The following TMIGD3 variants were observed in gnomAD, a reference collection of about 807,000 sequenced individuals.
TMIGD3 encodes transmembrane and immunoglobulin domain containing 3, also known as AD026 protein (AD026).
TMIGD3 carries 21 observed loss-of-function variants against 28.1 expected under a neutral mutation model. The ratio of observed to expected loss-of-function variants is 0.75; its 90% CI spans 0.53 to 1.08. The LOEUF (loss-of-function observed/expected upper bound fraction) is 1.08, where lower values mean the gene tolerates loss of function less well. Ranked by LOEUF, TMIGD3 falls within the 50% of genes least tolerant of loss-of-function variation. TMIGD3 has a pLI of 0.00. For synonymous variants in TMIGD3, 151 were observed against 162.1 expected (o/e 0.93, Z 0.52); for missense variants, 416 against 435.6 (o/e 0.96, Z 0.40).
chr1:111,506,220 C>G (rs1655484781), upstream of TMIGD3, among the ~76,000 whole-genome samples: 1 of 152,220 alleles, frequency 6.6e-6, no homozygotes, highest in South Asian at 2.1e-4. Context: ...TTCTGCATTT[C>G]TCGCCCCTAC....
rs750319253 is a variant in TMIGD3 at position 111,483,774 on chromosome 1, A to G, written c.974-17T>C. ...TGTTGCCTACTTTGTTGGGGAATAG[A>G]AAGGGAAAATGGAGTTGAGATCTAT... On this transcript the variant is annotated splice_polypyrimidine_tract_variant and intron_variant, in intron 5 of 5. Transcript: ENST00000369716. The G allele has an allele frequency of 6.2e-7, 1 of 1,610,274 alleles. No individual in the cohort carries two copies. The highest frequency in any genetic ancestry group is 1.3e-5 in the African/African-American group (1 of 74,844).
At chr1:111,489,821 G>A (rs1198885956) in intron 2 of TMIGD3, 2 of 872,202 alleles carry the variant, frequency 2.3e-6, no homozygotes, top group Non-Finnish European at 2.8e-6. Context: ...CTCCGTACAA[G>A]ACCAGCATAG....
At chr1:111,513,542 G>A (rs1477295734) in intron 1 of TMIGD3, among the ~76,000 whole-genome samples, 3 of 152,140 alleles carry the variant, frequency 2.0e-5, no homozygotes, top group African/African-American at 7.2e-5. Context: ...GGCTGGGCTG[G>A]GGAGCCAGGC....
intron 1 of TMIGD3, among the ~76,000 whole-genome samples, chr1:111,554,103 C>T (rs547508908): frequency 5.3e-5 from 8 of 152,318 alleles, no homozygotes; most frequent in Middle Eastern, 6.8e-3. Context: ...AGCTATGTGG[C>T]CTTGGGCTTA....
At position 111,530,807 on chromosome 1, in the gene TMIGD3, A is replaced by G. The variant is rs532066444; in HGVS notation, c.107+33039T>C. On this transcript the variant is annotated intron_variant, in intron 1 of 5. Coordinates refer to the TMIGD3 transcript ENST00000369717. ...ATGTTTCTTGATGTAATTATTCATGAGGCTTTTTGTTTATTTTGCCTGGGG... is the reference window on the plus strand; with the variant it reads ...ATGTTTCTTGATGTAATTATTCATGGGGCTTTTTGTTTATTTTGCCTGGGG... Among the ~76,000 whole-genome samples the G allele has an allele frequency of 3.9e-5, 6 of 152,252 alleles. No individual in the cohort carries two copies. The South Asian group carries it at 1.2e-3, about 32-fold the overall frequency.
Position 111,503,221 on chromosome 1 carries a change from G to A in TMIGD3, c.134C>T (p.Thr45Ile). ...AGAGACAATGAAATAGAAGGTGGTG[G>A]TCTGCAGGCTGGGGTTCAGCTTGAC... ...CVVKLNPSLQ[T>I]TTFYFIVSLA... The change falls in exon 1 of 6, where the codon ACC becomes ATC. Residue 45 changes from threonine to isoleucine, a missense_variant. Transcript: ENST00000369716. The A allele has an allele frequency of 6.2e-7, 1 of 1,614,260 alleles. No individual in the cohort carries two copies. The highest frequency in any genetic ancestry group is 1.3e-5 in the African/African-American group (1 of 75,072).
intron 1 of TMIGD3, among the ~76,000 whole-genome samples, chr1:111,560,631 A>C (rs536603806): frequency 6.6e-6 from 1 of 151,790 alleles, no homozygotes; most frequent in Non-Finnish European, 1.5e-5. Flanking sequence ...TGGGACTACA[A>C]GCATGCCTCA....
In TMIGD3 at chr1:111,499,945, G is replaced by A. The variant is rs768682866; in HGVS notation, c.350+3060C>T. 1.9e-6 allele frequency: 3 copies of A among 1,612,996 alleles called. No individual in the cohort carries two copies. The South Asian group carries it at 3.3e-5, about 18-fold the overall frequency. Reference sequence around the variant, plus strand: ...CAATGAGACAGAGTCATCTCTGATGGATAACTACTCAGAATTCTTCTCAAT... The same window carrying A: ...CAATGAGACAGAGTCATCTCTGATGAATAACTACTCAGAATTCTTCTCAAT... On this transcript the variant is annotated intron_variant, in intron 1 of 5. Transcript: ENST00000369716.
At chr1:111,551,018 C>G (rs1479195648) in intron 1 of TMIGD3, among the ~76,000 whole-genome samples, 1 of 152,146 alleles carries the variant, frequency 6.6e-6, no homozygotes, top group Non-Finnish European at 1.5e-5. Flanking sequence ...GTCTTGAAGT[C>G]TGACACATTT....
chr1:111,535,158 T>C (rs1439504008), intron 1 of TMIGD3, among the ~76,000 whole-genome samples: 2 of 152,332 alleles, frequency 1.3e-5, no homozygotes, highest in East Asian at 3.9e-4. Flanking sequence ...TGAATTAAAT[T>C]CATGAAGTAC....
intron 5 of TMIGD3, chr1:111,485,527 A>T (rs1654319774): frequency 4.1e-6 from 2 of 484,312 alleles, no homozygotes; most frequent in South Asian, 6.8e-5. Context: ...ACATGTATCC[A>T]CTTAAGAAAG....
chr1:111,519,959 C>G (rs1315564379), intron 1 of TMIGD3, among the ~76,000 whole-genome samples: 1 of 152,166 alleles, frequency 6.6e-6, no homozygotes, highest in Non-Finnish European at 1.5e-5. Flanking sequence ...TCCCAAAATG[C>G]TGGGATTACA....
In TMIGD3 at chr1:111,520,888, G is replaced by A. The variant is rs79464777; in HGVS notation, c.108-30126C>T. Among the ~76,000 whole-genome samples, 918 of 152,284 alleles carry A rather than the reference G, an allele frequency of 6.0e-3. 8 individuals carry two copies. Among genetic ancestry groups the A allele is most frequent in the Non-Finnish European group, 0.01 (707 of 68,020 alleles). On this transcript the variant is annotated intron_variant, in intron 1 of 5. Transcript: ENST00000369717. ...TAAATTGCATATATTTAAAGTGCAC[G>A]CTTTGACTTATACAAGTTTTGGCAT...
chr1:111,524,973 T>TA (rs998155140), intron 1 of TMIGD3, among the ~76,000 whole-genome samples: 6 of 152,380 alleles, frequency 3.9e-5, no homozygotes, highest in Admixed American at 2.0e-4. Context: ...AAAAATGTGT[T>TA]AATTTCTAAA....
intron 1 of TMIGD3, among the ~76,000 whole-genome samples, chr1:111,528,726 T>C (rs1656351725): frequency 6.6e-6 from 1 of 152,176 alleles, no homozygotes; most frequent in Non-Finnish European, 1.5e-5. Flanking sequence ...ATATAGATAT[T>C]GTACTTATAT....
chr1:111,524,830 G>C (rs1189834662), intron 1 of TMIGD3, among the ~76,000 whole-genome samples: 1 of 151,988 alleles, frequency 6.6e-6, no homozygotes, highest in Non-Finnish European at 1.5e-5. Flanking sequence ...ATGTTGGCCA[G>C]GCTAGTCTCA....
chr1:111,554,669 C>T (rs951181997), intron 1 of TMIGD3, among the ~76,000 whole-genome samples: 1 of 152,204 alleles, frequency 6.6e-6, no homozygotes, highest in Non-Finnish European at 1.5e-5. Context: ...GCACTTGGTA[C>T]AAGGTCCAAA....
intron 1 of TMIGD3, among the ~76,000 whole-genome samples, chr1:111,494,746 A>G (rs1376978007): frequency 6.6e-6 from 1 of 152,214 alleles, no homozygotes; most frequent in Non-Finnish European, 1.5e-5. Context: ...ACTTCAAACT[A>G]TGCTACAGGA....
chr1:111,533,849 C>T (rs778334392), intron 1 of TMIGD3, among the ~76,000 whole-genome samples: 9 of 152,142 alleles, frequency 5.9e-5, no homozygotes, highest in Non-Finnish European at 8.8e-5. Flanking sequence ...CCACCATGTC[C>T]GGCCAGTACA....
Sources: gnomAD v4.1 joint callset for allele counts (sites outside exome capture counted in the v4.1 genomes callset) on GRCh38, gnomAD v4.1.1 for gene constraint, MANE v1.5 for transcripts, NCBI Gene and HGNC (gene_info 2026-07-23, HGNC 2026-07-21) for gene names.